DNAJC7: variants seen among roughly 807,000 people sequenced by gnomAD.
The protein encoded by DNAJC7 is dnaJ homolog subfamily C member 7.
A neutral mutation model predicts 67.4 loss-of-function variants in DNAJC7; 18 were observed. The ratio of observed to expected loss-of-function variants is 0.27; its 90% CI spans 0.18 to 0.40. The LOEUF (loss-of-function observed/expected upper bound fraction) is 0.40, where lower values mean the gene tolerates loss of function less well. DNAJC7 is among the 10% of genes least tolerant of loss of function. The pLI, the probability that DNAJC7 is intolerant of heterozygous loss-of-function variation, is 1.00. For missense variants in DNAJC7, 419 were observed against 613.8 expected (o/e 0.68, Z 3.35); for synonymous variants, 220 against 207.8 (o/e 1.06, Z -0.50).
intron 5 of DNAJC7, among the ~76,000 whole-genome samples, chr17:41,991,287 T>C (rs1347533845): frequency 1.3e-5 from 2 of 151,638 alleles, no homozygotes; most frequent in Non-Finnish European, 2.9e-5. Context: ...GCCATGGGGG[T>C]CAGGAAGAGA....
At chr17:41,994,741 C>A in intron 5 of DNAJC7, 129 bp downstream of exon 5, 1 of 724,306 alleles carries the variant, frequency 1.4e-6, no homozygotes, top group Non-Finnish European at 2.3e-6. Context: ...AGTCAGAAGC[C>A]TAATTTAAGT....
At chr17:42,017,000 T>G in intron 1 of DNAJC7, 2 of 1,275,686 alleles carry the variant, frequency 1.6e-6, no homozygotes, top group East Asian at 4.2e-5. Context: ...TCGGGGGCGA[T>G]GTAAGGAAGT....
chr17:42,011,310 A>G (rs2052109464), intron 1 of DNAJC7: 1 of 152,240 alleles, frequency 6.6e-6, no homozygotes, highest in African/African-American at 2.4e-5. Context: ...GGAATGTACA[A>G]TAAGGCTGGG....
At chr17:42,004,408 G>A (rs1320235233) in intron 1 of DNAJC7, among the ~76,000 whole-genome samples, 13 of 152,118 alleles carry the variant, frequency 8.5e-5, no homozygotes, top group African/African-American at 3.1e-4. Context: ...TAGTGTCAAG[G>A]CTTTTAGATT....
chr17:41,980,052 CTT>C (rs111374192), intron 12 of DNAJC7, among the ~76,000 whole-genome samples: 59 of 136,588 alleles, frequency 4.3e-4, no homozygotes, highest in Admixed American at 5.2e-4. Context: ...GTCAGGTCCT[CTT>C]TTTTTTTTTT....
At chr17:42,008,241 G>GGC (rs2052021926) in intron 1 of DNAJC7, among the ~76,000 whole-genome samples, 2 of 149,504 alleles carry the variant, frequency 1.3e-5, no homozygotes, top group Admixed American at 6.6e-5. Flanking sequence ...GAACCCAGGA[G>GGC]GCGGAGGTTG....
At chr17:41,978,612 C>A (rs560821963) in intron 12 of DNAJC7, among the ~76,000 whole-genome samples, 3 of 152,228 alleles carry the variant, frequency 2.0e-5, no homozygotes, top group African/African-American at 7.2e-5. Flanking sequence ...GTAATCCCAG[C>A]ACTTTGGGAG....
chr17:41,977,111 T>C (rs990251996), intron 13 of DNAJC7, 150 bp downstream of exon 13: 2 of 827,710 alleles, frequency 2.4e-6, no homozygotes, highest in Non-Finnish European at 3.8e-6. Context: ...TCTTCATCCT[T>C]AGCAACAGCC....
intron 1 of DNAJC7, among the ~76,000 whole-genome samples, chr17:42,007,129 ACTTTT>A (rs1462014274): frequency 6.6e-6 from 1 of 151,872 alleles, no homozygotes; most frequent in Non-Finnish European, 1.5e-5. Context: ...AGAAAAAGAT[ACTTTT>A]CTTTTCCTTT....
intron 2 of DNAJC7, among the ~76,000 whole-genome samples, chr17:42,000,066 G>C (rs1267520562): frequency 6.9e-6 from 1 of 145,526 alleles, no homozygotes; most frequent in Non-Finnish European, 1.5e-5. Context: ...TGATCCGCCT[G>C]CTTTGGCCTC....
Position 41,988,772 on chromosome 17 carries a change from T to C in DNAJC7, c.878A>G (p.Asn293Ser). The change falls in exon 8 of 14, where the codon AAT becomes AGT. Residue 293 changes from asparagine (N) to serine (S), a missense_variant. Physicochemically the swap from Asn to Ser is conservative, Grantham distance 46. This residue lies in a region of DNAJC7 where 161 missense variants were observed against 252.2 expected (regional missense o/e 0.64). Coordinates refer to ENST00000457167, the MANE Select transcript of DNAJC7 (RefSeq NM_003315.4). ...LGIDPNNIKT[N>S]AKLYCNRGTV... is the part of the protein sequence containing the mutation. ...ACCCCGATTACAGTAGAGTTTAGCA[T>C]TTGTTTTTATATTGTTGGGGTCTAT... 6.2e-7 allele frequency: 1 copy of C among 1,612,324 alleles called. No homozygotes were observed. The highest frequency in any genetic ancestry group is 8.5e-7 in the Non-Finnish European group (1 of 1,179,386).
intron 1 of DNAJC7, chr17:42,013,196 A>T (rs1164093991): frequency 2.6e-5 from 4 of 152,122 alleles, no homozygotes; most frequent in African/African-American, 9.7e-5. Flanking sequence ...TTTTGGCCTC[A>T]CAAAGTGCTA....
At chr17:41,990,225 T>C in intron 6 of DNAJC7, 39 bp downstream of exon 6, 1 of 1,551,286 alleles carries the variant, frequency 6.4e-7, no homozygotes, top group Non-Finnish European at 8.8e-7. Context: ...AGTCCAATGG[T>C]ATCTGGCATT....
intron 10 of DNAJC7, among the ~76,000 whole-genome samples, chr17:41,982,959 T>TAA (rs1317041576): frequency 7.7e-6 from 1 of 130,658 alleles, no homozygotes. Flanking sequence ...GACTCCATCT[T>TAA]AAAAAAAAAA....
chr17:41,980,384 GAATT>G (rs1302289388), intron 12 of DNAJC7, among the ~76,000 whole-genome samples: 3 of 151,182 alleles, frequency 2.0e-5, no homozygotes, highest in Non-Finnish European at 2.9e-5. Flanking sequence ...AAGACTGACT[GAATT>G]AATTAATTAA....
rs782170169 is a variant in DNAJC7 at position 41,977,329 on chromosome 17, G to A, written c.1385-6C>T. 7.4e-5 allele frequency: 116 copies of A among 1,575,818 alleles called. 1 individual carries two copies. Among genetic ancestry groups the A allele is most frequent in the South Asian group, 2.3e-4 (20 of 85,580 alleles). On this transcript the variant is annotated splice_region_variant and splice_polypyrimidine_tract_variant and intron_variant, in intron 12 of 13. Transcript: ENST00000457167. ...GATATTGTTTGGATCAAAATCTGTA[G>A]AGCAGGGCAAGTAACATGGAAGGGA...
chr17:41,997,044 A>G (rs1350351327), intron 3 of DNAJC7, 71 bp downstream of exon 3: 22 of 1,604,738 alleles, frequency 1.4e-5, no homozygotes, highest in Non-Finnish European at 1.9e-5. Context: ...GTCAAGGTTG[A>G]GAAATACGGG....
chr17:41,976,828 T>A, intron 13 of DNAJC7, 58 bp from the exon 14 acceptor site: 1 of 1,589,380 alleles, frequency 6.3e-7, no homozygotes, highest in East Asian at 2.2e-5. Flanking sequence ...AAGATCACTT[T>A]GCTCTGATTA....
At chr17:41,997,533 G>GT (rs2051694059) in intron 2 of DNAJC7, among the ~76,000 whole-genome samples, 1 of 151,998 alleles carries the variant, frequency 6.6e-6, no homozygotes, top group Non-Finnish European at 1.5e-5. Context: ...GGAAGTGGAG[G>GT]TTGCAGTGAC....
Sources: allele counts gnomAD v4.1 joint callset (sites outside exome capture counted in the v4.1 genomes callset), GRCh38; gene constraint gnomAD v4.1.1; regional missense constraint gnomAD v4.1.1; transcripts MANE v1.5; gene names NCBI Gene and HGNC (gene_info 2026-07-23, HGNC 2026-07-21).